SLC22A16: variants seen among roughly 807,000 people sequenced by gnomAD.
SLC22A16 encodes solute carrier family 22 member 16, also known as WUGSC:RG331P03.1.
Under a neutral mutation model 52.9 loss-of-function variants are expected in SLC22A16, and 53 were observed. That is an observed-to-expected ratio of 1.00 (90% CI 0.80 to 1.26). The LOEUF (loss-of-function observed/expected upper bound fraction) is 1.26, where lower values mean the gene tolerates loss of function less well. Among genes scored for constraint, SLC22A16 ranks in the 50% most tolerant of loss-of-function variants. The pLI is 0.00. For missense variants in SLC22A16, 726 were observed against 704.0 expected (o/e 1.03, Z -0.35); for synonymous variants, 291 against 268.8 (o/e 1.08, Z -0.81).
At chr6:110,437,164 T>C (rs1774768130) in intron 5 of SLC22A16, among the ~76,000 whole-genome samples, 1 of 152,232 alleles carries the variant, frequency 6.6e-6, no homozygotes, top group Non-Finnish European at 1.5e-5. Flanking sequence ...ATTAAATTAA[T>C]TAACAATTGT....
intron 1 of SLC22A16, among the ~76,000 whole-genome samples, chr6:110,462,563 C>CAAAATAG (rs1775922744): frequency 6.6e-6 from 1 of 151,796 alleles, no homozygotes; most frequent in Admixed American, 6.6e-5. Context: ...TCTATTTTAA[C>CAAAATAG]AAGTCAAACA....
chr6:110,468,598 A>T (rs550190793), intron 1 of SLC22A16, among the ~76,000 whole-genome samples: 2 of 151,082 alleles, frequency 1.3e-5, no homozygotes, highest in East Asian at 3.9e-4. Flanking sequence ...GTCAGCCAAG[A>T]TCACACCACT....
At chr6:110,444,143 A>G (rs1383830562) in intron 3 of SLC22A16, among the ~76,000 whole-genome samples, 2 of 152,246 alleles carry the variant, frequency 1.3e-5, no homozygotes, top group Non-Finnish European at 2.9e-5. Flanking sequence ...CTTTACCACA[A>G]GAAGGAAAAC....
In SLC22A16 at chr6:110,454,943, T is replaced by C. The variant is rs1429083609; in HGVS notation, c.533+1595A>G. 1.1e-4 allele frequency among the ~76,000 whole-genome samples: 11 copies of C among 96,574 alleles called. No individual in the cohort carries two copies. The East Asian group carries it at 2.3e-3, about 20-fold the overall frequency. 63.4% of individuals were successfully genotyped at this position (96,574 alleles called of 152,430 possible). On this transcript the variant is annotated intron_variant, in intron 2 of 7. Transcript: ENST00000368919. ...AATATATATATTATAATATATATAA[T>C]ATATAAATATATATTATATATTACA...
chr6:110,466,112 T>C (rs1269718973), intron 1 of SLC22A16, among the ~76,000 whole-genome samples: 1 of 152,042 alleles, frequency 6.6e-6, no homozygotes. Context: ...TGGATCCCTA[T>C]CTCTCACCAT....
chr6:110,431,154 T>G lies in SLC22A16; in HGVS notation c.1521+17A>C, dbSNP rs1241043616. On this transcript the variant is annotated intron_variant, in intron 7 of 7. Coordinates refer to ENST00000368919, the MANE Select transcript of SLC22A16 (RefSeq NM_033125.4). Reference sequence around the variant, plus strand: ...CCTCCGTGCCCCCTTGGGGAGGGTCTGCAAACTGAAGCACACCTGTGGTAT... The same window carrying G: ...CCTCCGTGCCCCCTTGGGGAGGGTCGGCAAACTGAAGCACACCTGTGGTAT... 6.2e-7 allele frequency: 1 copy of G among 1,611,198 alleles called. No homozygotes were observed. The highest frequency in any genetic ancestry group is 1.3e-5 in the African/African-American group (1 of 74,910).
At chr6:110,434,780 C>A (rs1774655026) in intron 6 of SLC22A16, among the ~76,000 whole-genome samples, 1 of 152,112 alleles carries the variant, frequency 6.6e-6, no homozygotes, top group South Asian at 2.1e-4. Flanking sequence ...GAGTTCGAGA[C>A]CAGCCTGACC....
At chr6:110,456,322 A>G (rs1775649540) in intron 2 of SLC22A16, 3 of 616,084 alleles carry the variant, frequency 4.9e-6, no homozygotes, top group South Asian at 2.6e-5. Context: ...TCCACAGTTA[A>G]TAAGTGGTAG....
At chr6:110,467,183 T>C (rs1252267344) in intron 1 of SLC22A16, among the ~76,000 whole-genome samples, 1 of 152,160 alleles carries the variant, frequency 6.6e-6, no homozygotes. Context: ...CTCCTCTCTC[T>C]CTGCGTTTTT....
chr6:110,430,410 G>A (rs1382513745), intron 7 of SLC22A16, among the ~76,000 whole-genome samples: 1 of 151,916 alleles, frequency 6.6e-6, no homozygotes, highest in South Asian at 2.1e-4. Context: ...CATGCAGGGG[G>A]CGGGGAGGAG....
At chr6:110,475,688 G>A (rs1441776838) in intron 1 of SLC22A16, among the ~76,000 whole-genome samples, 1 of 152,134 alleles carries the variant, frequency 6.6e-6, no homozygotes, top group Non-Finnish European at 1.5e-5. Context: ...GGATCGAGAC[G>A]CAGCTCCAAA....
intron 3 of SLC22A16, among the ~76,000 whole-genome samples, chr6:110,443,381 C>A (rs1488150000): frequency 6.6e-6 from 1 of 152,068 alleles, no homozygotes; most frequent in East Asian, 1.9e-4. Flanking sequence ...ACAGCAAAAA[C>A]ACAGACAATC....
At chr6:110,457,484 A>T (rs754387729) in intron 1 of SLC22A16, among the ~76,000 whole-genome samples, 13 of 152,228 alleles carry the variant, frequency 8.5e-5, no homozygotes, top group Non-Finnish European at 1.0e-4. Context: ...CCAGGTGCCG[A>T]GGCAAGAGAC....
At chr6:110,472,751 C>T (rs1178498799) in intron 1 of SLC22A16, among the ~76,000 whole-genome samples, 1 of 152,080 alleles carries the variant, frequency 6.6e-6, no homozygotes, top group Non-Finnish European at 1.5e-5. Flanking sequence ...CCTAGGGGTC[C>T]ACCAGGACAA....
intron 1 of SLC22A16, among the ~76,000 whole-genome samples, chr6:110,470,730 C>T (rs375096835): frequency 6.6e-6 from 1 of 152,096 alleles, no homozygotes; most frequent in African/African-American, 2.4e-5. Context: ...CCCTGGCAGG[C>T]CTCTGAAGCT....
chr6:110,453,697 T>C (rs1243099265), intron 2 of SLC22A16: 5 of 456,214 alleles, frequency 1.1e-5, no homozygotes, highest in Non-Finnish European at 1.8e-5. Context: ...AAGCCTACTC[T>C]TTGTGGCAGA....
chr6:110,463,346 T>G (rs1775951632), intron 1 of SLC22A16, among the ~76,000 whole-genome samples: 1 of 151,736 alleles, frequency 6.6e-6, no homozygotes, highest in South Asian at 2.1e-4. Context: ...GGATTTTTTT[T>G]TAAAAAGACC....
chr6:110,431,267 C>T lies in SLC22A16; in HGVS notation c.1425G>A (p.Ser475=), dbSNP rs1323601273. 4 of 1,611,298 alleles carry T rather than the reference C, an allele frequency of 2.5e-6. No individual in the cohort carries two copies. The highest frequency in any genetic ancestry group is 2.2e-5 in the East Asian group (1 of 44,860). ...TAELYPTIVR[S]LAVGSGSMVC... is the part of the protein sequence containing the mutation. ...CCATGCTGCCGCTTCCCACAGCCAG[C>T]GATCTGGAAACAGAGGAGAGAGGCT... The change falls in exon 7 of 8, where the codon TCG becomes TCA. Residue 475 remains serine, a synonymous_variant. Transcript: ENST00000368919.
intron 2 of SLC22A16, chr6:110,453,614 A>C (rs1208367518): frequency 2.2e-6 from 1 of 456,162 alleles, no homozygotes; most frequent in Non-Finnish European, 4.4e-6. Context: ...GACACTTCAC[A>C]GATAGTGGGT....
Sources: gnomAD v4.1 joint callset for allele counts (sites outside exome capture counted in the v4.1 genomes callset) on GRCh38, gnomAD v4.1.1 for gene constraint, MANE v1.5 for transcripts, NCBI Gene and HGNC (gene_info 2026-07-23, HGNC 2026-07-21) for gene names.